PPP1R12A: variants seen among roughly 807,000 people sequenced by gnomAD.
PPP1R12A encodes the protein myosin binding subunit.
Under a neutral mutation model 139.6 loss-of-function variants are expected in PPP1R12A, and 19 were observed. The observed-to-expected ratio is 0.14, with a 90% CI of 0.09 to 0.20. The LOEUF (loss-of-function observed/expected upper bound fraction) is 0.20, where lower values mean the gene tolerates loss of function less well. Ranked by LOEUF, PPP1R12A falls within the 10% of genes least tolerant of loss-of-function variation. The pLI, the probability that PPP1R12A is intolerant of heterozygous loss-of-function variation, is 1.00. For missense variants in PPP1R12A, 925 were observed against 1,211.5 expected, an observed-to-expected ratio of 0.76 and a Z score of 3.51; for synonymous variants, 427 against 420.6, an observed-to-expected ratio of 1.02 and a Z score of -0.19.
At chr12:79,851,433 A>G (rs1243156808) in intron 2 of PPP1R12A, among the ~76,000 whole-genome samples, 1 of 152,258 alleles carries the variant, frequency 6.6e-6, no homozygotes, top group Non-Finnish European at 1.5e-5. Flanking sequence ...TTTCTTAAAA[A>G]TAACAGTTCT....
rs1289446141 is a variant in PPP1R12A, at chr12:79,774,266, T to TAAGA, written c.*1659_*1662dup. 1 of 152,432 alleles carries TAAGA rather than the reference T, an allele frequency of 6.6e-6. No individual in the cohort carries two copies. The highest frequency in any genetic ancestry group is 1.5e-5 in the Non-Finnish European group (1 of 68,004). The allele number at this position is 152,432 out of a possible 1,614,324, so 9.4% of individuals were successfully genotyped here. A position where few individuals can be genotyped will look rare whatever the true frequency, so the allele number is the denominator to read the frequency against. The stretch of plus-strand genomic sequence containing the variant: ...AAATCAAGAATCCTGAGCTTGGTAG[T>TAAGA]AAGAGCATAACCTTATATCTTCATA... On this transcript the variant is annotated 3_prime_UTR_variant, in exon 25 of 25. Transcript: ENST00000450142.
At chr12:79,789,609 G>T (rs964596833) in intron 20 of PPP1R12A, 1 of 444,774 alleles carries the variant, frequency 2.2e-6, no homozygotes, top group African/African-American at 2.0e-5. Flanking sequence ...TTTTCTGAAA[G>T]ATGCCATTGG....
intron 3 of PPP1R12A, among the ~76,000 whole-genome samples, chr12:79,834,430 C>A (rs959421508): frequency 2.6e-5 from 4 of 152,092 alleles, no homozygotes; most frequent in South Asian, 2.1e-4. Context: ...CTGAGATACC[C>A]ACTTGGAGGC....
intron 1 of PPP1R12A, among the ~76,000 whole-genome samples, chr12:79,886,306 G>A (rs1487475732): frequency 1.3e-5 from 2 of 152,092 alleles, no homozygotes; most frequent in East Asian, 3.8e-4. Context: ...TTAGAATACT[G>A]GCAAATGAAA....
intron 12 of PPP1R12A, among the ~76,000 whole-genome samples, chr12:79,806,617 C>G (rs78784683): frequency 0.047 from 7,221 of 152,292 alleles, 235 homozygotes; most frequent in Non-Finnish European, 0.071. Context: ...ACCATATGGT[C>G]ATGCCAGGCT....
chr12:79,800,084 TAATC>T (rs1355746295), intron 14 of PPP1R12A, among the ~76,000 whole-genome samples: 1 of 152,188 alleles, frequency 6.6e-6, no homozygotes, highest in Non-Finnish European at 1.5e-5. Context: ...TTTCCTCTGA[TAATC>T]AATATTTCTT....
chr12:79,803,372 C>G (rs1433243684), intron 14 of PPP1R12A, among the ~76,000 whole-genome samples: 1 of 152,044 alleles, frequency 6.6e-6, no homozygotes, highest in African/African-American at 2.4e-5. Flanking sequence ...ATATACCCAC[C>G]AAACCCCATA....
Position 79,788,674 on chromosome 12 carries a change from T to G in PPP1R12A, c.2776A>C (p.Lys926Gln), listed in dbSNP as rs1363278282. Residue 926 changes from lysine (K) to glutamine (Q), a missense_variant, in exon 21 of 25, where the codon AAG becomes CAG. Transcript: ENST00000450142. ...ERKPYSSRLE[K>Q]DDSTDFKKLY... is the part of the protein sequence containing the mutation. ...TTTTTAAAGTCAGTTGAGTCATCCT[T>G]TTCTAGCCTGCTGCTGTAAGGTTTT... 6.2e-7 allele frequency: 1 copy of G among 1,612,812 alleles called. No individual in the cohort carries two copies. Among genetic ancestry groups the G allele is most frequent in the Admixed American group, 1.7e-5 (1 of 59,958 alleles).
At chr12:79,892,151 T>G (rs1884708440) in intron 1 of PPP1R12A, among the ~76,000 whole-genome samples, 1 of 152,198 alleles carries the variant, frequency 6.6e-6, no homozygotes, top group East Asian at 1.9e-4. Context: ...AAACATTATG[T>G]TCCCTTCCGC....
intron 14 of PPP1R12A, among the ~76,000 whole-genome samples, chr12:79,805,297 C>CA (rs1454539168): frequency 1.6e-4 from 25 of 152,170 alleles, no homozygotes; most frequent in Non-Finnish European, 2.9e-4. Context: ...AGTTCTTCAT[C>CA]AAAAAATTTT....
intron 1 of PPP1R12A, among the ~76,000 whole-genome samples, chr12:79,889,191 T>C (rs894876843): frequency 6.6e-6 from 1 of 152,218 alleles, no homozygotes; most frequent in African/African-American, 2.4e-5. Context: ...TGTTCACATA[T>C]GGATTATCTC....
At position 79,782,833 on chromosome 12, in the gene PPP1R12A, C is replaced by A. The variant is rs564947546; in HGVS notation, c.2908-971G>T. On this transcript the variant is annotated intron_variant, in intron 22 of 24. Transcript: ENST00000450142. ...AACAAGAATGCTTTATGAGTGCTAA[C>A]CACAAAATATGCTTTAAAAACATAT... Among the ~76,000 whole-genome samples, 27 of 152,254 alleles carry A rather than the reference C, an allele frequency of 1.8e-4. No individual in the cohort carries two copies. The South Asian group carries it at 2.9e-3, about 16-fold the overall frequency.
intron 22 of PPP1R12A, among the ~76,000 whole-genome samples, chr12:79,785,353 T>C (rs562517001): frequency 1.3e-5 from 2 of 152,322 alleles, no homozygotes; most frequent in South Asian, 4.1e-4. Context: ...ACAATCGCTT[T>C]ACAACACAAC....
chr12:79,792,867 G>C (rs1872061440), intron 19 of PPP1R12A, among the ~76,000 whole-genome samples: 1 of 152,072 alleles, frequency 6.6e-6, no homozygotes, highest in African/African-American at 2.4e-5. Context: ...TAAAGCTTTA[G>C]GCCTGCAAAT....
chr12:79,793,755 T>TA (rs1398517900), intron 19 of PPP1R12A, 108 bp downstream of exon 19: 21 of 771,012 alleles, frequency 2.7e-5, no homozygotes, highest in Non-Finnish European at 1.0e-5. Flanking sequence ...AGCATGTAGG[T>TA]AGAGTATGCA....
chr12:79,927,825 T>C lies in PPP1R12A; in HGVS notation c.237+6870A>G, dbSNP rs578175944. 3.9e-5 allele frequency among the ~76,000 whole-genome samples: 6 copies of C among 152,354 alleles called. No individual in the cohort carries two copies. In the South Asian group the frequency reaches 1.0e-3, roughly 26 times the overall value. Reference sequence around the variant, plus strand: ...CTGACTCCAACTGAGAATAAACTTATAATTGTTGGAGTTCTTCAACCTTTC... The same window carrying C: ...CTGACTCCAACTGAGAATAAACTTACAATTGTTGGAGTTCTTCAACCTTTC... On this transcript the variant is annotated intron_variant, in intron 1 of 24. Coordinates refer to ENST00000450142, the MANE Select transcript of PPP1R12A (RefSeq NM_002480.3).
chr12:79,929,933 A>T (rs1888125031), intron 1 of PPP1R12A, among the ~76,000 whole-genome samples: 1 of 152,194 alleles, frequency 6.6e-6, no homozygotes, highest in Non-Finnish European at 1.5e-5. Flanking sequence ...ACAACATAAA[A>T]ATAACTCTAA....
intron 2 of PPP1R12A, among the ~76,000 whole-genome samples, chr12:79,864,843 A>C (rs868606616): frequency 1.3e-5 from 2 of 152,206 alleles, no homozygotes; most frequent in African/African-American, 4.8e-5. Flanking sequence ...ACCAACCAAA[A>C]AAAGTCCAGG....
At chr12:79,924,950 A>C (rs1176119233) in intron 1 of PPP1R12A, among the ~76,000 whole-genome samples, 1 of 152,224 alleles carries the variant, frequency 6.6e-6, no homozygotes, top group Non-Finnish European at 1.5e-5. Context: ...TTTAGAAAAT[A>C]TCATGTAATC....
Sources: gnomAD v4.1 joint callset for allele counts (sites outside exome capture counted in the v4.1 genomes callset) on GRCh38, gnomAD v4.1.1 for gene constraint, MANE v1.5 for transcripts, NCBI Gene and HGNC (gene_info 2026-07-23, HGNC 2026-07-21) for gene names.